DLG2: variants seen among roughly 807,000 people sequenced by gnomAD.
The protein encoded by DLG2 is discs large MAGUK scaffold protein 2.
A neutral mutation model predicts 132.5 loss-of-function variants in DLG2; 45 were observed. That is an observed-to-expected ratio of 0.34 (90% CI 0.27 to 0.44). The LOEUF is 0.44. Ranked by LOEUF, DLG2 falls within the 20% of genes least tolerant of loss-of-function variation. The probability of loss-of-function intolerance (pLI) is 1.00; values close to 1 mark genes in which losing one functional copy is unlikely to be tolerated. For missense variants in DLG2, 1,045 were observed against 1,196.9 expected (o/e 0.87, Z 1.87); for synonymous variants, 424 against 419.6 (o/e 1.01, Z -0.13).
chr11:85,576,776 T>C (rs2078182256), intron 3 of DLG2, among the ~76,000 whole-genome samples: 1 of 152,032 alleles, frequency 6.6e-6, no homozygotes, highest in Admixed American at 6.6e-5. Context: ...CAAATAAATA[T>C]AAATATATAT....
At chr11:84,920,994 T>C (rs868411928) in intron 6 of DLG2, among the ~76,000 whole-genome samples, 1 of 152,132 alleles carries the variant, frequency 6.6e-6, no homozygotes, top group Non-Finnish European at 1.5e-5. Context: ...TGTTAAAACA[T>C]GAGAAACTAT....
At chr11:84,872,106 G>T (rs2085559495) in intron 6 of DLG2, among the ~76,000 whole-genome samples, 1 of 152,116 alleles carries the variant, frequency 6.6e-6, no homozygotes, top group Non-Finnish European at 1.5e-5. Flanking sequence ...TGAATACATG[G>T]CTATGAATCT....
chr11:84,661,239 G>A (rs995823303), intron 6 of DLG2, among the ~76,000 whole-genome samples: 2 of 152,270 alleles, frequency 1.3e-5, no homozygotes, highest in African/African-American at 4.8e-5. Context: ...TAGAGATGTT[G>A]TGAGATGGTT....
At chr11:84,935,805 T>C (rs1469269075) in intron 6 of DLG2, among the ~76,000 whole-genome samples, 1 of 152,208 alleles carries the variant, frequency 6.6e-6, no homozygotes, top group Non-Finnish European at 1.5e-5. Context: ...CTTCTACCTG[T>C]ACCCCACATG....
chr11:84,624,208 C>T (rs773352242), intron 6 of DLG2, among the ~76,000 whole-genome samples: 1 of 152,128 alleles, frequency 6.6e-6, no homozygotes, highest in Non-Finnish European at 1.5e-5. Context: ...ACTTGAGAAA[C>T]TTCAGCAGTG....
intron 15 of DLG2, among the ~76,000 whole-genome samples, chr11:83,895,049 T>C (rs1363340955): frequency 1.3e-5 from 2 of 152,122 alleles, no homozygotes; most frequent in Non-Finnish European, 2.9e-5. Flanking sequence ...TTGAAGTTTC[T>C]AAATACTTTA....
chr11:84,612,979 A>T (rs1386196383), intron 6 of DLG2, among the ~76,000 whole-genome samples: 1 of 152,154 alleles, frequency 6.6e-6, no homozygotes, highest in African/African-American at 2.4e-5. Context: ...TGTCTTTATA[A>T]AATGGGGTAC....
intron 18 of DLG2, among the ~76,000 whole-genome samples, chr11:83,773,462 T>C (rs1308331592): frequency 6.6e-6 from 1 of 152,272 alleles, no homozygotes. Context: ...TTACGAAATA[T>C]GTTTATTTGT....
intron 6 of DLG2, among the ~76,000 whole-genome samples, chr11:84,668,047 C>T (rs2099701736): frequency 6.6e-6 from 1 of 152,082 alleles, no homozygotes; most frequent in Non-Finnish European, 1.5e-5. Flanking sequence ...TGTGACACAC[C>T]TGCTATATGA....
intron 6 of DLG2, among the ~76,000 whole-genome samples, chr11:84,958,266 G>C (rs2051996678): frequency 6.6e-6 from 1 of 152,056 alleles, no homozygotes; most frequent in South Asian, 2.1e-4. Context: ...CCAAGCCCAA[G>C]TTTTTTAGCC....
In DLG2 at chr11:83,919,009, C is replaced by T. The variant is rs116055536; in HGVS notation, c.1496+11319G>A. Among the ~76,000 whole-genome samples the T allele has an allele frequency of 1.0e-2, 1,515 of 152,122 alleles. 27 individuals carry two copies. Among genetic ancestry groups the T allele is most frequent in the African/African-American group, 0.034 (1,394 of 41,488 alleles). On this transcript the variant is annotated intron_variant, in intron 15 of 27. Transcript: ENST00000376104. The stretch of plus-strand genomic sequence containing the variant: ...TCACTCAAAGCAATTGGGACAGTGA[C>T]AAAGGTGAGAAGAGTAAGGAAGTTC...
chr11:84,777,279 GTGTATATATATATATA>G (rs1565933416), intron 6 of DLG2, among the ~76,000 whole-genome samples: 1 of 85,136 alleles, frequency 1.2e-5, no homozygotes, highest in African/African-American at 4.7e-5. Flanking sequence ...ATATGTGTGT[GTGTATATATATATATA>G]TATATATATA....
chr11:85,109,395 C>A (rs1324112795), intron 6 of DLG2, among the ~76,000 whole-genome samples: 1 of 152,034 alleles, frequency 6.6e-6, no homozygotes, highest in South Asian at 2.1e-4. Context: ...TTAATGCTGG[C>A]GCTCTGACTT....
intron 15 of DLG2, among the ~76,000 whole-genome samples, chr11:83,884,950 A>T (rs1031489313): frequency 1.3e-5 from 2 of 152,128 alleles, no homozygotes; most frequent in Non-Finnish European, 1.5e-5. Flanking sequence ...CATCTGTACA[A>T]CACCATCATC....
rs148050033 is a variant in DLG2, at chr11:83,980,713, C to T, written c.920-71G>A. 43 of 1,395,886 alleles carry T rather than the reference C, an allele frequency of 3.1e-5. No individual in the cohort carries two copies. In the African/African-American group the frequency reaches 5.5e-4, roughly 18 times the overall value. The allele number at this position is 1,395,886 out of a possible 1,614,324, so 86.5% of individuals were successfully genotyped here. Reference sequence around the variant, plus strand: ...AGTTGTTTTTAGAAAATGCAGTTAGCCACATTTTAACAGTTTTTAAAAATG... The same window carrying T: ...AGTTGTTTTTAGAAAATGCAGTTAGTCACATTTTAACAGTTTTTAAAAATG... On this transcript the variant is annotated intron_variant, in intron 11 of 27. Coordinates refer to ENST00000376104, the MANE Select transcript of DLG2 (RefSeq NM_001142699.3).
chr11:84,094,207 C>T (rs1595100269), intron 10 of DLG2, among the ~76,000 whole-genome samples: 2 of 152,094 alleles, frequency 1.3e-5, no homozygotes, highest in African/African-American at 4.8e-5. Flanking sequence ...CTTAACCTAC[C>T]AGTTCCTCAA....
intron 7 of DLG2, among the ~76,000 whole-genome samples, chr11:84,390,364 C>T (rs932227912): frequency 2.0e-5 from 3 of 152,186 alleles, no homozygotes; most frequent in Admixed American, 6.6e-5. Flanking sequence ...AATGTAATGA[C>T]TACCACCATT....
intron 7 of DLG2, among the ~76,000 whole-genome samples, chr11:84,509,428 T>C (rs1275384227): frequency 6.6e-6 from 1 of 152,208 alleles, no homozygotes; most frequent in African/African-American, 2.4e-5. Flanking sequence ...AAAAAACTAC[T>C]TTTCTGGACA....
At chr11:84,210,476 T>G in intron 8 of DLG2, among the ~76,000 whole-genome samples, 1 of 149,594 alleles carries the variant, frequency 6.7e-6, no homozygotes, top group Admixed American at 6.7e-5. Flanking sequence ...GCATGGCACA[T>G]GTATACATAT....
Sources: gnomAD v4.1 joint callset for allele counts (sites outside exome capture counted in the v4.1 genomes callset) on GRCh38, gnomAD v4.1.1 for gene constraint, MANE v1.5 for transcripts, NCBI Gene and HGNC (gene_info 2026-07-23, HGNC 2026-07-21) for gene names.